EYS: variants seen among roughly 807,000 people sequenced by gnomAD.
The protein encoded by EYS is EGF-like photoreceptor maintenance factor.
Under a neutral mutation model 282.1 loss-of-function variants are expected in EYS, and 250 were observed. The observed-to-expected ratio is 0.89, with a 90% CI of 0.80 to 0.98. The LOEUF (loss-of-function observed/expected upper bound fraction) is 0.98, where lower values mean the gene tolerates loss of function less well. Ranked by LOEUF, EYS falls within the 50% of genes least tolerant of loss-of-function variation. The pLI, the probability that EYS is intolerant of heterozygous loss-of-function variation, is 0.00. For synonymous variants in EYS, 1,355 were observed against 1,282.9 expected (o/e 1.06, Z -1.20); for missense variants, 4,016 against 3,709.0 (o/e 1.08, Z -2.15).
chr6:65,194,052 A>AT (rs1481821430), intron 12 of EYS, among the ~76,000 whole-genome samples: 8 of 151,856 alleles, frequency 5.3e-5, no homozygotes, highest in Admixed American at 3.9e-4. Context: ...ATGAGATAGG[A>AT]TTTTTTCTCT....
intron 12 of EYS, among the ~76,000 whole-genome samples, chr6:65,153,270 T>G (rs946088686): frequency 4.6e-5 from 7 of 151,542 alleles, no homozygotes; most frequent in African/African-American, 1.5e-4. Flanking sequence ...ATCTCACAGT[T>G]CCAGTCAATA....
At chr6:64,054,939 G>A (rs993997170) in intron 33 of EYS, among the ~76,000 whole-genome samples, 3 of 152,172 alleles carry the variant, frequency 2.0e-5, no homozygotes, top group African/African-American at 7.2e-5. Context: ...TTCAGCACAT[G>A]CTTTAAACGT....
At chr6:64,254,470 T>C (rs77657133) in intron 30 of EYS, among the ~76,000 whole-genome samples, 4,673 of 152,130 alleles carry the variant, frequency 0.031, 90 homozygotes, top group Non-Finnish European at 0.046. Context: ...TTTTAGACTA[T>C]TTGGCCCAAA....
intron 12 of EYS, among the ~76,000 whole-genome samples, chr6:65,094,271 A>T (rs76748696): frequency 0.025 from 3,762 of 148,410 alleles, 175 homozygotes; most frequent in African/African-American, 0.089. Context: ...AAATCACAGC[A>T]GGAGATTTTA....
rs73741276 is a variant in EYS, at chr6:65,228,972, G to A, written c.2023+66891C>T. On this transcript the variant is annotated intron_variant, in intron 12 of 42. Coordinates refer to ENST00000503581, the MANE Select transcript of EYS (RefSeq NM_001142800.2). ...GTTGTTTCAAAAAAAGAAAGAGCCA[G>A]TCTTAATCCATACCTTGCAAGATAT... Among the ~76,000 whole-genome samples the A allele has an allele frequency of 4.8e-3, 733 of 152,070 alleles. 9 individuals carry two copies. Among genetic ancestry groups the A allele is most frequent in the African/African-American group, 0.017 (697 of 41,552 alleles).
chr6:65,688,348 A>C (rs1051097495), intron 1 of EYS, among the ~76,000 whole-genome samples: 1 of 152,214 alleles, frequency 6.6e-6, no homozygotes, highest in Admixed American at 6.5e-5. Flanking sequence ...TTCCCTATTT[A>C]ATAAATGGTG....
intron 35 of EYS, among the ~76,000 whole-genome samples, chr6:63,889,641 A>G (rs1430697837): frequency 6.6e-6 from 1 of 152,180 alleles, no homozygotes; most frequent in Non-Finnish European, 1.5e-5. Context: ...TAGAAAGGAA[A>G]AACTGGTACG....
rs568570929 is a variant in EYS, at chr6:65,260,610, T to G, written c.2023+35253A>C. Among the ~76,000 whole-genome samples, 184 of 152,176 alleles carry G rather than the reference T, an allele frequency of 1.2e-3. 1 individual carries two copies. The highest frequency in any genetic ancestry group is 2.5e-3 in the South Asian group (12 of 4,824). ...AGTGTTTATTTTTTAATCCATCAAT[T>G]ATTTTCATATTTTGCCTATTCAATA... is the stretch of plus-strand genomic sequence containing the variant. On this transcript the variant is annotated intron_variant, in intron 12 of 42. Transcript: ENST00000503581.
chr6:65,155,077 C>T (rs1044372456), intron 12 of EYS, among the ~76,000 whole-genome samples: 2 of 151,516 alleles, frequency 1.3e-5, no homozygotes, highest in African/African-American at 4.8e-5. Context: ...TAAGTTATTA[C>T]ACATAAGCAA....
At chr6:64,275,561 C>T (rs1172089008) in intron 30 of EYS, among the ~76,000 whole-genome samples, 1 of 149,838 alleles carries the variant, frequency 6.7e-6, no homozygotes, top group Non-Finnish European at 1.5e-5. Context: ...GGACTATGTG[C>T]GCCTGCCACC....
chr6:65,400,383 A>G (rs1766446960), intron 7 of EYS, among the ~76,000 whole-genome samples: 1 of 151,964 alleles, frequency 6.6e-6, no homozygotes, highest in African/African-American at 2.4e-5. Context: ...GTTGTATTCT[A>G]TCTGTCTGAT....
At chr6:65,655,729 G>A (rs983486834) in intron 1 of EYS, among the ~76,000 whole-genome samples, 1 of 151,798 alleles carries the variant, frequency 6.6e-6, no homozygotes, top group African/African-American at 2.4e-5. Flanking sequence ...CTGAATTGCT[G>A]CAATCTTATG....
At chr6:64,846,055 C>G (rs1765704573) in intron 19 of EYS, among the ~76,000 whole-genome samples, 3 of 152,086 alleles carry the variant, frequency 2.0e-5, no homozygotes, top group African/African-American at 7.2e-5. Flanking sequence ...CTTATAGAGG[C>G]AGTTCCTGTA....
intron 7 of EYS, among the ~76,000 whole-genome samples, chr6:65,391,972 G>C (rs1766054656): frequency 6.6e-6 from 1 of 151,622 alleles, no homozygotes; most frequent in Admixed American, 6.6e-5. Flanking sequence ...CCAAAACAGA[G>C]ATATAGATCA....
intron 23 of EYS, among the ~76,000 whole-genome samples, chr6:64,622,786 G>A (rs1767487821): frequency 6.6e-6 from 1 of 152,106 alleles, no homozygotes; most frequent in Non-Finnish European, 1.5e-5. Flanking sequence ...ACCTGGAGCT[G>A]TGTAAGATAA....
At chr6:64,281,252 AAATCTC>A (rs1415795396) in intron 30 of EYS, among the ~76,000 whole-genome samples, 1 of 152,118 alleles carries the variant, frequency 6.6e-6, no homozygotes, top group Non-Finnish European at 1.5e-5. Context: ...TCTTTCAAAA[AAATCTC>A]AAATATAGCA....
chr6:64,406,616 GAAA>G (rs903217316), intron 28 of EYS, among the ~76,000 whole-genome samples: 3 of 150,706 alleles, frequency 2.0e-5, no homozygotes, highest in African/African-American at 7.3e-5. Flanking sequence ...ACATTTACAA[GAAA>G]AAAACAACTC....
intron 22 of EYS, among the ~76,000 whole-genome samples, chr6:64,779,563 T>C (rs1016350640): frequency 2.6e-5 from 4 of 152,134 alleles, no homozygotes; most frequent in African/African-American, 9.7e-5. Context: ...TAATGGTGGA[T>C]ACATGCCATT....
At chr6:64,552,926 C>T (rs1765129362) in intron 26 of EYS, among the ~76,000 whole-genome samples, 1 of 139,290 alleles carries the variant, frequency 7.2e-6, no homozygotes, top group African/African-American at 2.6e-5. Flanking sequence ...CCCCCCCGCC[C>T]CCTCCCCCCC....
Sources: allele counts gnomAD v4.1 joint callset (sites outside exome capture counted in the v4.1 genomes callset), GRCh38; gene constraint gnomAD v4.1.1; transcripts MANE v1.5; gene names NCBI Gene and HGNC (gene_info 2026-07-23, HGNC 2026-07-21).